Variants in CNTNAP5 observed in about 807,000 individuals in gnomAD.
CNTNAP5 encodes contactin-associated protein-like 5.
Under a neutral mutation model 150.2 loss-of-function variants are expected in CNTNAP5, and 72 were observed. The observed-to-expected ratio is 0.48, with a 90% confidence interval of 0.40 to 0.58. The LOEUF (loss-of-function observed/expected upper bound fraction) is 0.58. Ranked by LOEUF, CNTNAP5 falls within the 20% of genes least tolerant of loss-of-function variation. CNTNAP5 has a pLI of 0.00. For missense variants in CNTNAP5, 1,636 were observed against 1,626.2 expected (o/e 1.01, Z -0.10); for synonymous variants, 672 against 619.8 (o/e 1.08, Z -1.25).
intron 10 of CNTNAP5, among the ~76,000 whole-genome samples, chr2:124,541,635 G>T (rs998024119): frequency 6.6e-6 from 1 of 152,078 alleles, no homozygotes; most frequent in Non-Finnish European, 1.5e-5. Flanking sequence ...ACATGTGGTT[G>T]GGAGAAACTC....
intron 13 of CNTNAP5, among the ~76,000 whole-genome samples, chr2:124,728,685 A>T (rs1324444986): frequency 6.6e-6 from 1 of 152,032 alleles, no homozygotes; most frequent in Non-Finnish European, 1.5e-5. Context: ...AAAATGCTTC[A>T]TGGGAGAGGT....
chr2:124,714,356 T>C (rs939059826), intron 13 of CNTNAP5, among the ~76,000 whole-genome samples: 1 of 152,214 alleles, frequency 6.6e-6, no homozygotes, highest in Admixed American at 6.5e-5. Flanking sequence ...GAAAATGTTA[T>C]AATAGATAAT....
intron 3 of CNTNAP5, among the ~76,000 whole-genome samples, chr2:124,257,153 G>A (rs1227701685): frequency 6.6e-6 from 1 of 152,162 alleles, no homozygotes; most frequent in Non-Finnish European, 1.5e-5. Context: ...TTGGAATTAT[G>A]CTTCTGGACT....
chr2:124,845,750 C>G (rs756593104), intron 19 of CNTNAP5, among the ~76,000 whole-genome samples: 3 of 152,096 alleles, frequency 2.0e-5, no homozygotes, highest in African/African-American at 7.2e-5. Context: ...TCCATCTCCT[C>G]TAGGTTCTCT....
chr2:124,562,087 A>G (rs531762307), intron 10 of CNTNAP5, among the ~76,000 whole-genome samples: 2 of 152,300 alleles, frequency 1.3e-5, no homozygotes, highest in South Asian at 4.1e-4. Flanking sequence ...AGAATAACCC[A>G]AAGGCACCAT....
At chr2:124,510,638 G>GGA (rs919690595) in intron 8 of CNTNAP5, among the ~76,000 whole-genome samples, 10 of 151,624 alleles carry the variant, frequency 6.6e-5, no homozygotes, top group African/African-American at 2.2e-4. Context: ...TATCATCTAA[G>GGA]GATGAAGGCT....
At chr2:124,261,392 T>C (rs1687451501) in intron 3 of CNTNAP5, among the ~76,000 whole-genome samples, 1 of 152,166 alleles carries the variant, frequency 6.6e-6, no homozygotes, top group Non-Finnish European at 1.5e-5. Flanking sequence ...ACGTCGCACT[T>C]TATTTTATAA....
chr2:124,608,663 T>C (rs971819500), intron 11 of CNTNAP5, among the ~76,000 whole-genome samples: 1 of 152,156 alleles, frequency 6.6e-6, no homozygotes, highest in Admixed American at 6.5e-5. Context: ...TAAGACAGTC[T>C]GGGCCAGGCG....
chr2:124,913,384 A>G (rs1006023217), intron 23 of CNTNAP5, among the ~76,000 whole-genome samples: 6 of 152,046 alleles, frequency 3.9e-5, no homozygotes, highest in Non-Finnish European at 7.4e-5. Flanking sequence ...AGGGTAAGCA[A>G]GAATAGCTTG....
At chr2:124,038,992 A>G (rs1237494829) in intron 1 of CNTNAP5, among the ~76,000 whole-genome samples, 1 of 152,118 alleles carries the variant, frequency 6.6e-6, no homozygotes, top group Non-Finnish European at 1.5e-5. Flanking sequence ...TTCAAATATG[A>G]TCTCTGCCCT....
intron 19 of CNTNAP5, among the ~76,000 whole-genome samples, chr2:124,835,886 T>A (rs1682819034): frequency 6.6e-6 from 1 of 152,156 alleles, no homozygotes; most frequent in Non-Finnish European, 1.5e-5. Flanking sequence ...AGAGGGCCTG[T>A]ATCTCTTGTC....
At chr2:124,315,501 A>C (rs2104662434) in intron 3 of CNTNAP5, among the ~76,000 whole-genome samples, 1 of 152,242 alleles carries the variant, frequency 6.6e-6, no homozygotes, top group African/African-American at 2.4e-5. Context: ...CTATCACTGG[A>C]GCTGCTCCAC....
At chr2:124,748,448 T>C (rs1179955184) in intron 14 of CNTNAP5, among the ~76,000 whole-genome samples, 1 of 152,218 alleles carries the variant, frequency 6.6e-6, no homozygotes, top group African/African-American at 2.4e-5. Flanking sequence ...TTTACTGTAT[T>C]GATTGTGAAA....
At chr2:124,150,864 T>C (rs903358691) in intron 1 of CNTNAP5, among the ~76,000 whole-genome samples, 1 of 152,156 alleles carries the variant, frequency 6.6e-6, no homozygotes. Flanking sequence ...GTCCGTAGTA[T>C]GGATATTAGA....
At chr2:124,307,339 C>T (rs1228603008) in intron 3 of CNTNAP5, among the ~76,000 whole-genome samples, 1 of 152,116 alleles carries the variant, frequency 6.6e-6, no homozygotes, top group African/African-American at 2.4e-5. Context: ...TAATCTGATC[C>T]TAATTAGCTC....
At chr2:124,601,484 T>C (rs1010772559) in intron 11 of CNTNAP5, among the ~76,000 whole-genome samples, 2 of 152,164 alleles carry the variant, frequency 1.3e-5, no homozygotes, top group Admixed American at 6.5e-5. Flanking sequence ...GAAAGCACTA[T>C]TACATGAAAT....
At chr2:124,352,990 A>G (rs1246192681) in intron 3 of CNTNAP5, among the ~76,000 whole-genome samples, 1 of 152,198 alleles carries the variant, frequency 6.6e-6, no homozygotes, top group Non-Finnish European at 1.5e-5. Flanking sequence ...AAAGATGCAC[A>G]GGCTCAGATC....
chr2:124,474,718 T>C, intron 6 of CNTNAP5, 21 bp from the exon 7 acceptor site: 1 of 1,527,624 alleles, frequency 6.5e-7, no homozygotes, highest in Non-Finnish European at 8.7e-7. Flanking sequence ...TAAGAGTTTG[T>C]TTCTATTTTC....
At chr2:124,549,598 T>G (rs180951776) in intron 10 of CNTNAP5, among the ~76,000 whole-genome samples, 2 of 152,314 alleles carry the variant, frequency 1.3e-5, no homozygotes, top group South Asian at 2.1e-4. Context: ...TTGCTAAATA[T>G]TAAGAAAATC....
Sources: gnomAD v4.1 joint callset for allele counts (sites outside exome capture counted in the v4.1 genomes callset) on GRCh38, gnomAD v4.1.1 for gene constraint, MANE v1.5 for transcripts, NCBI Gene and HGNC (gene_info 2026-07-23, HGNC 2026-07-21) for gene names.